ERBB4: variants seen among roughly 807,000 people sequenced by gnomAD.
ERBB4 encodes the protein erb-b2 receptor tyrosine kinase 4.
Under a neutral mutation model 158.0 loss-of-function variants are expected in ERBB4, and 42 were observed. The observed-to-expected ratio is 0.27, with a 90% CI of 0.21 to 0.34. ERBB4 has a LOEUF of 0.34. ERBB4 is among the 10% of genes least tolerant of loss of function. ERBB4 has a pLI of 1.00. For synonymous variants in ERBB4, 583 were observed against 558.7 expected (o/e 1.04, Z -0.61); for missense variants, 1,333 against 1,624.1 (o/e 0.82, Z 3.08).
intron 25 of ERBB4, among the ~76,000 whole-genome samples, chr2:211,396,766 C>T (rs1008777696): frequency 2.0e-5 from 3 of 152,132 alleles, no homozygotes; most frequent in Non-Finnish European, 4.4e-5. Context: ...CCTATAATTG[C>T]AGTGTGGACC....
At chr2:211,411,749 T>C (rs556259149) in intron 25 of ERBB4, among the ~76,000 whole-genome samples, 1 of 152,224 alleles carries the variant, frequency 6.6e-6, no homozygotes, top group Non-Finnish European at 1.5e-5. Flanking sequence ...AATAGGATTA[T>C]ATATCATTTG....
chr2:211,863,225 G>A (rs900689284), intron 3 of ERBB4, among the ~76,000 whole-genome samples: 2 of 150,030 alleles, frequency 1.3e-5, no homozygotes, highest in African/African-American at 5.1e-5. Context: ...TCTAGCTAAA[G>A]GTTTGTAAAT....
At chr2:211,881,290 A>G (rs1424770393) in intron 3 of ERBB4, among the ~76,000 whole-genome samples, 1 of 152,204 alleles carries the variant, frequency 6.6e-6, no homozygotes, top group Non-Finnish European at 1.5e-5. Context: ...TTATTTAGGC[A>G]GATAGTGAGG....
chr2:211,834,705 A>G (rs2077302269), intron 3 of ERBB4, among the ~76,000 whole-genome samples: 1 of 152,094 alleles, frequency 6.6e-6, no homozygotes, highest in Admixed American at 6.6e-5. Flanking sequence ...GAAACAGTAA[A>G]TCTCAGCAGA....
chr2:212,012,800 C>T (rs1369246030), intron 2 of ERBB4, among the ~76,000 whole-genome samples: 1 of 151,800 alleles, frequency 6.6e-6, no homozygotes, highest in African/African-American at 2.4e-5. Flanking sequence ...CCTGGAATGC[C>T]GTAGTGCAAT....
intron 1 of ERBB4, among the ~76,000 whole-genome samples, chr2:212,146,738 C>T (rs1476559374): frequency 6.6e-6 from 1 of 152,164 alleles, no homozygotes; most frequent in African/African-American, 2.4e-5. Flanking sequence ...AGTGCACAAA[C>T]ACCAATTCTG....
intron 1 of ERBB4, among the ~76,000 whole-genome samples, chr2:212,246,696 T>A (rs1445612242): frequency 6.6e-6 from 1 of 152,108 alleles, no homozygotes; most frequent in African/African-American, 2.4e-5. Context: ...TCCAGCTCTG[T>A]CTTGAAGGGA....
intron 1 of ERBB4, among the ~76,000 whole-genome samples, chr2:212,500,751 A>G (rs1194464947): frequency 6.6e-6 from 1 of 152,150 alleles, no homozygotes; most frequent in African/African-American, 2.4e-5. Context: ...ATCAATATAC[A>G]GCTGAGAGAT....
At chr2:211,627,754 A>AT (rs2069918682) in intron 17 of ERBB4, among the ~76,000 whole-genome samples, 1 of 152,230 alleles carries the variant, frequency 6.6e-6, no homozygotes, top group Admixed American at 6.5e-5. Context: ...ACAGATGTGT[A>AT]TATCAGGAGA....
intron 1 of ERBB4, among the ~76,000 whole-genome samples, chr2:212,198,733 CT>C (rs11448093): frequency 0.043 from 4,136 of 96,438 alleles, 47 homozygotes; most frequent in Middle Eastern, 0.081. Context: ...TCACCACGCC[CT>C]TTTTTTTTTT....
intron 1 of ERBB4, among the ~76,000 whole-genome samples, chr2:212,134,687 T>G (rs1270499483): frequency 2.9e-5 from 4 of 138,578 alleles, no homozygotes; most frequent in African/African-American, 1.1e-4. Flanking sequence ...TTTTTTTTTT[T>G]TTTTTTTTTT....
chr2:211,745,663 G>A (rs1233974108), intron 5 of ERBB4, among the ~76,000 whole-genome samples: 1 of 145,590 alleles, frequency 6.9e-6, no homozygotes, highest in East Asian at 2.0e-4. Flanking sequence ...AATTATTTAA[G>A]AGCTTCAACT....
At chr2:212,281,257 C>A (rs2085748920) in intron 1 of ERBB4, among the ~76,000 whole-genome samples, 1 of 151,570 alleles carries the variant, frequency 6.6e-6, no homozygotes, top group Non-Finnish European at 1.5e-5. Flanking sequence ...TCCCTCTTTC[C>A]AAGATGTTTA....
intron 1 of ERBB4, among the ~76,000 whole-genome samples, chr2:212,289,915 C>T (rs115107124): frequency 0.013 from 2,045 of 152,096 alleles, 47 homozygotes; most frequent in African/African-American, 0.046. Flanking sequence ...TAACTGATAC[C>T]AAATCTTTCA....
At chr2:211,894,408 TG>T (rs1315411508) in intron 3 of ERBB4, among the ~76,000 whole-genome samples, 2 of 116,464 alleles carry the variant, frequency 1.7e-5, no homozygotes, top group African/African-American at 6.7e-5. Flanking sequence ...CTGGGGACTG[TG>T]GTGGGGTGGG....
chr2:211,765,138 A>G (rs2075521207), intron 4 of ERBB4, among the ~76,000 whole-genome samples: 1 of 152,134 alleles, frequency 6.6e-6, no homozygotes, highest in Non-Finnish European at 1.5e-5. Flanking sequence ...TCAGTTTTAT[A>G]TGAGAAAAAT....
intron 1 of ERBB4, among the ~76,000 whole-genome samples, chr2:212,179,971 T>C (rs569056647): frequency 6.6e-6 from 1 of 151,800 alleles, no homozygotes; most frequent in Non-Finnish European, 1.5e-5. Flanking sequence ...ATCTCTGGCA[T>C]CTAGAAAACT....
chr2:211,506,337 C>T (rs1455408891), intron 20 of ERBB4, among the ~76,000 whole-genome samples: 3 of 152,030 alleles, frequency 2.0e-5, no homozygotes, highest in Admixed American at 6.6e-5. Flanking sequence ...CCATTGATAA[C>T]ACTGGACAGG....
intron 16 of ERBB4, among the ~76,000 whole-genome samples, chr2:211,655,597 C>G (rs1195929495): frequency 2.0e-5 from 3 of 152,090 alleles, no homozygotes; most frequent in Non-Finnish European, 4.4e-5. Context: ...CCTAACTAGT[C>G]CACTGGAATA....
Sources: allele counts gnomAD v4.1 joint callset (sites outside exome capture counted in the v4.1 genomes callset), GRCh38; gene constraint gnomAD v4.1.1; transcripts MANE v1.5; gene names NCBI Gene and HGNC (gene_info 2026-07-23, HGNC 2026-07-21).